R3HDM1: variants seen among roughly 807,000 people sequenced by gnomAD.
R3HDM1 encodes the protein R3H domain containing 1, also known as R3H domain-containing protein 1.
A neutral mutation model predicts 141.1 loss-of-function variants in R3HDM1; 46 were observed. The observed-to-expected ratio is 0.33, with a 90% CI of 0.26 to 0.42. The LOEUF (loss-of-function observed/expected upper bound fraction) is 0.42. Among genes scored for constraint, R3HDM1 ranks in the 10% least tolerant of loss-of-function variants. The pLI is 1.00. For missense variants in R3HDM1, 1,184 were observed against 1,368.3 expected, an observed-to-expected ratio of 0.87 and a Z score of 2.12; for synonymous variants, 435 against 472.9, an observed-to-expected ratio of 0.92 and a Z score of 1.04.
intron 24 of R3HDM1, among the ~76,000 whole-genome samples, chr2:135,716,331 A>G (rs1370615266): frequency 6.6e-6 from 1 of 152,238 alleles, no homozygotes; most frequent in Non-Finnish European, 1.5e-5. Context: ...AGATTATCCA[A>G]AAATTTATTC....
chr2:135,536,788 G>A, intron 1 of R3HDM1: 1 of 865,982 alleles, frequency 1.2e-6, no homozygotes, highest in Non-Finnish European at 1.4e-6. Context: ...GAGGTGTGCA[G>A]TGGACCGGTG....
At chr2:135,588,371 C>G (rs1032648211) in intron 1 of R3HDM1, among the ~76,000 whole-genome samples, 10 of 152,212 alleles carry the variant, frequency 6.6e-5, no homozygotes, top group African/African-American at 2.4e-4. Flanking sequence ...TCTCTTGGCA[C>G]TCTGCTCCCT....
chr2:135,688,175 T>C (rs2071688557), intron 21 of R3HDM1, among the ~76,000 whole-genome samples: 1 of 152,210 alleles, frequency 6.6e-6, no homozygotes, highest in Non-Finnish European at 1.5e-5. Context: ...GTTCACACTT[T>C]TTGGGTTTTT....
intron 18 of R3HDM1, 120 bp from the exon 19 acceptor site, chr2:135,661,150 C>A: frequency 2.4e-6 from 3 of 1,229,644 alleles, no homozygotes; most frequent in Admixed American, 2.5e-5. Flanking sequence ...TAAGAAAAAT[C>A]AGTTTTCCAA....
At chr2:135,558,315 A>G (rs1321274108) in intron 1 of R3HDM1, among the ~76,000 whole-genome samples, 3 of 152,344 alleles carry the variant, frequency 2.0e-5, no homozygotes, top group East Asian at 3.9e-4. Flanking sequence ...AGTACTGAAC[A>G]GCTGTATGTG....
At chr2:135,721,756 T>G in intron 24 of R3HDM1, 168 bp from the exon 25 acceptor site, 1 of 453,688 alleles carries the variant, frequency 2.2e-6, no homozygotes, top group Non-Finnish European at 4.1e-6. Flanking sequence ...CCTGGCTAAT[T>G]TTTATATTTT....
chr2:135,611,774 T>C (rs551941373), intron 3 of R3HDM1, among the ~76,000 whole-genome samples: 10 of 152,356 alleles, frequency 6.6e-5, no homozygotes, highest in African/African-American at 2.4e-4. Context: ...ACTTGGGTCA[T>C]ATGCACATAT....
At chr2:135,698,591 C>T (rs538370701) in intron 21 of R3HDM1, among the ~76,000 whole-genome samples, 7 of 152,230 alleles carry the variant, frequency 4.6e-5, no homozygotes, top group African/African-American at 1.7e-4. Flanking sequence ...TTCGTCTGTT[C>T]TCGCATTGCT....
In R3HDM1 at chr2:135,584,327, AAAAT is replaced by A. The variant is rs751841201; in HGVS notation, c.-249-18159_-249-18156del. The stretch of plus-strand genomic sequence containing the variant: ...TGGGTGACAGAACGAGATTCCGTCT[AAAAT>A]AAATAAATAAATATTAACTCAAATT... On this transcript the variant is annotated intron_variant, in intron 1 of 26. Coordinates refer to ENST00000683871, the MANE Select transcript of R3HDM1 (RefSeq NM_001378107.1). 1.8e-4 allele frequency: 152 copies of A among 867,722 alleles called. No homozygotes were observed. In the Admixed American group the frequency reaches 2.4e-3, roughly 13 times the overall value. 53.8% of individuals were successfully genotyped at this position (867,722 alleles called of 1,614,324 possible).
chr2:135,629,231 G>A (rs774050122), intron 7 of R3HDM1, among the ~76,000 whole-genome samples: 3 of 152,092 alleles, frequency 2.0e-5, no homozygotes, highest in Non-Finnish European at 2.9e-5. Flanking sequence ...CAGGAGAATC[G>A]CTTGAACCCG....
intron 1 of R3HDM1, among the ~76,000 whole-genome samples, chr2:135,575,302 C>T (rs1705147269): frequency 6.6e-6 from 1 of 152,222 alleles, no homozygotes; most frequent in African/African-American, 2.4e-5. Flanking sequence ...TCTGCCTCAG[C>T]CTCCAAAATA....
intron 22 of R3HDM1, 36 bp downstream of exon 22, chr2:135,709,572 CATATGAGAA>C: frequency 6.2e-7 from 1 of 1,605,980 alleles, no homozygotes; most frequent in Non-Finnish European, 8.5e-7. Context: ...ATGATTGGTT[CATATGAGAA>C]ATAGTTCGAT....
intron 1 of R3HDM1, among the ~76,000 whole-genome samples, chr2:135,578,947 A>G (rs540176582): frequency 3.4e-4 from 52 of 152,188 alleles, no homozygotes; most frequent in Non-Finnish European, 7.2e-4. Flanking sequence ...ATATATATGT[A>G]TATATGATGT....
rs566553895 is a variant in R3HDM1, at chr2:135,658,288, C to T, written c.2029-2982C>T. Among the ~76,000 whole-genome samples, 22 of 152,232 alleles carry T rather than the reference C, an allele frequency of 1.4e-4. 1 individual carries two copies. The East Asian group carries it at 4.0e-3, about 28-fold the overall frequency. On this transcript the variant is annotated intron_variant, in intron 18 of 26. Transcript: ENST00000683871. Reference sequence around the variant, plus strand: ...TCAAGTGATTCTTCTGCCTCAGCCCCCCGAGTACCTGAGACTACAAGGCGC... The same window carrying T: ...TCAAGTGATTCTTCTGCCTCAGCCCTCCGAGTACCTGAGACTACAAGGCGC...
At chr2:135,550,775 C>T (rs549253211) in intron 1 of R3HDM1, among the ~76,000 whole-genome samples, 1 of 152,280 alleles carries the variant, frequency 6.6e-6, no homozygotes, top group East Asian at 1.9e-4. Context: ...AAAAGTTCAA[C>T]TTTATGCTTG....
chr2:135,562,595 T>G (rs1278909985), intron 1 of R3HDM1, among the ~76,000 whole-genome samples: 1 of 152,222 alleles, frequency 6.6e-6, no homozygotes, highest in East Asian at 1.9e-4. Flanking sequence ...ATATCTAGAC[T>G]TGAAAAATCT....
At chr2:135,674,587 G>T (rs942658917) in intron 19 of R3HDM1, among the ~76,000 whole-genome samples, 4 of 152,154 alleles carry the variant, frequency 2.6e-5, no homozygotes, top group African/African-American at 4.8e-5. Flanking sequence ...GTAGATTCTT[G>T]TTAAGTAAAT....
Position 135,602,769 on chromosome 2 carries a change from G to A in R3HDM1, c.-41+61G>A, listed in dbSNP as rs79463396. On this transcript the variant is annotated intron_variant, in intron 2 of 26. Coordinates refer to ENST00000683871, the MANE Select transcript of R3HDM1 (RefSeq NM_001378107.1). ...TCTTACAAAATCTCACCTATAAAAA[G>A]CAAGAAGCCAGTGTCTTAAGTAACT... The A allele has an allele frequency of 6.6e-3, 8,887 of 1,348,172 alleles. 430 individuals carry two copies. The African/African-American group carries it at 0.11, about 17-fold the overall frequency. 83.5% of individuals were successfully genotyped at this position (1,348,172 alleles called of 1,614,324 possible).
At chr2:135,708,816 G>A (rs921318616) in intron 21 of R3HDM1, among the ~76,000 whole-genome samples, 4 of 151,950 alleles carry the variant, frequency 2.6e-5, no homozygotes, top group Non-Finnish European at 4.4e-5. Flanking sequence ...AAAAGTAGCC[G>A]GGTGTGGTGG....
Sources: allele counts gnomAD v4.1 joint callset (sites outside exome capture counted in the v4.1 genomes callset), GRCh38; gene constraint gnomAD v4.1.1; transcripts MANE v1.5; gene names NCBI Gene and HGNC (gene_info 2026-07-23, HGNC 2026-07-21).